The following CADM2 variants were observed in gnomAD, a reference collection of about 807,000 sequenced individuals.
CADM2 encodes the protein immunoglobulin superfamily member 4D.
CADM2 carries 12 observed loss-of-function variants against 49.8 expected under a neutral mutation model. The observed-to-expected ratio is 0.24, with a 90% confidence interval of 0.15 to 0.39. CADM2 has a LOEUF of 0.39. Among genes scored for constraint, CADM2 ranks in the 10% least tolerant of loss-of-function variants. The pLI is 1.00. For missense variants in CADM2, 378 were observed against 492.3 expected (o/e 0.77, Z 2.20); for synonymous variants, 214 against 175.4 (o/e 1.22, Z -1.74).
Position 85,200,614 on chromosome 3 carries a change from G to A in CADM2, c.61+240946G>A, listed in dbSNP as rs538313460. ...AGGTAATAGGACAAATATGCGGATT[G>A]CTGGAATGAAGAACTATGAAACCTG... On this transcript the variant is annotated intron_variant, in intron 1 of 9. Transcript: ENST00000383699. Among the ~76,000 whole-genome samples, 4 of 152,196 alleles carry A rather than the reference G, an allele frequency of 2.6e-5. No homozygotes were observed. In the East Asian group the frequency reaches 7.7e-4, roughly 29 times the overall value.
chr3:85,715,696 C>T (rs1021944452), intron 1 of CADM2, among the ~76,000 whole-genome samples: 5 of 152,138 alleles, frequency 3.3e-5, no homozygotes, highest in African/African-American at 1.2e-4. Context: ...TGATGTTCGC[C>T]TCTCTGTGCC....
intron 1 of CADM2, among the ~76,000 whole-genome samples, chr3:85,564,854 A>G (rs1235500734): frequency 6.6e-6 from 1 of 152,084 alleles, no homozygotes; most frequent in Admixed American, 6.6e-5. Flanking sequence ...TCTAAATGTG[A>G]GCTTGGAGGA....
At chr3:85,280,822 G>A (rs72919253) in intron 1 of CADM2, among the ~76,000 whole-genome samples, 9,991 of 151,638 alleles carry the variant, frequency 0.066, 1,077 homozygotes, top group African/African-American at 0.23. Context: ...CATCTAGTTA[G>A]CAAAACAGTT....
intron 1 of CADM2, among the ~76,000 whole-genome samples, chr3:85,184,453 A>T (rs1389993333): frequency 2.0e-5 from 3 of 152,096 alleles, no homozygotes; most frequent in Non-Finnish European, 4.4e-5. Flanking sequence ...GCAACTTTAA[A>T]AATATTACTC....
At chr3:85,162,190 T>C (rs2040348551) in intron 1 of CADM2, among the ~76,000 whole-genome samples, 1 of 152,140 alleles carries the variant, frequency 6.6e-6, no homozygotes, top group Admixed American at 6.6e-5. Context: ...GATGGGTTTT[T>C]ACAGTTTAAT....
rs10662960 is a variant in CADM2 at position 85,308,310 on chromosome 3, T to TACACACACAC, written c.61+348664_61+348673dup. ...ATATCTATATCTATATCTACCTCTC[T>TACACACACAC]ACACACACACACACACACACACACA... On this transcript the variant is annotated intron_variant, in intron 1 of 9. Transcript: ENST00000383699. Among the ~76,000 whole-genome samples the TACACACACAC allele has an allele frequency of 7.5e-3, 1,077 of 143,608 alleles. 8 individuals are homozygous for TACACACACAC. Among genetic ancestry groups the TACACACACAC allele is most frequent in the African/African-American group, 0.018 (729 of 39,658 alleles). 94.2% of individuals were successfully genotyped at this position (143,608 alleles called of 152,430 possible).
At chr3:85,761,155 A>G (rs151026695) in intron 2 of CADM2, among the ~76,000 whole-genome samples, 1 of 152,234 alleles carries the variant, frequency 6.6e-6, no homozygotes, top group African/African-American at 2.4e-5. Flanking sequence ...TGAGCCACAG[A>G]GTATTATCTT....
At chr3:85,959,382 C>T (rs1011303650) in intron 7 of CADM2, among the ~76,000 whole-genome samples, 3 of 151,756 alleles carry the variant, frequency 2.0e-5, no homozygotes, top group African/African-American at 7.3e-5. Context: ...TATCAGTGAC[C>T]ATTGATGATC....
At chr3:85,979,371 C>A in intron 8 of CADM2, 1 of 1,428,594 alleles carries the variant, frequency 7.0e-7, no homozygotes, top group Non-Finnish European at 9.5e-7. Flanking sequence ...CATTGAGATT[C>A]AATTTTACTT....
chr3:85,836,468 A>G (rs928405122), intron 3 of CADM2, among the ~76,000 whole-genome samples: 3 of 151,658 alleles, frequency 2.0e-5, no homozygotes, highest in Non-Finnish European at 4.4e-5. Flanking sequence ...TCCATCTTCA[A>G]TCAATAGTGG....
At chr3:85,327,209 TTATC>T (rs2044777613) in intron 1 of CADM2, among the ~76,000 whole-genome samples, 1 of 152,208 alleles carries the variant, frequency 6.6e-6, no homozygotes, top group East Asian at 1.9e-4. Flanking sequence ...GTCTCTCTCT[TTATC>T]TATATAAATA....
chr3:85,984,475 G>A (rs1727853899), intron 8 of CADM2, among the ~76,000 whole-genome samples: 1 of 151,532 alleles, frequency 6.6e-6, no homozygotes, highest in South Asian at 2.1e-4. Context: ...ATGAAACATA[G>A]TTATATATTT....
At chr3:85,602,694 T>C (rs1033879405) in intron 1 of CADM2, among the ~76,000 whole-genome samples, 1 of 151,752 alleles carries the variant, frequency 6.6e-6, no homozygotes, top group African/African-American at 2.4e-5. Context: ...AATATAATCC[T>C]GCAAAATACT....
At chr3:85,236,734 G>A (rs186634139) in intron 1 of CADM2, among the ~76,000 whole-genome samples, 11 of 152,102 alleles carry the variant, frequency 7.2e-5, no homozygotes, top group East Asian at 1.9e-4. Flanking sequence ...CTTCACATAC[G>A]TATTAATGGA....
intron 1 of CADM2, among the ~76,000 whole-genome samples, chr3:85,061,420 T>C (rs1192084177): frequency 6.6e-6 from 1 of 152,182 alleles, no homozygotes; most frequent in Non-Finnish European, 1.5e-5. Flanking sequence ...CTTTCAATGT[T>C]TGCTTATTTG....
At chr3:85,248,424 G>A (rs1370520029) in intron 1 of CADM2, among the ~76,000 whole-genome samples, 3 of 151,944 alleles carry the variant, frequency 2.0e-5, no homozygotes, top group African/African-American at 7.2e-5. Context: ...ACAGATGCAC[G>A]CCACCAGGCC....
Position 85,568,480 on chromosome 3 carries a change from T to TC in CADM2, c.62-158042_62-158041insC, listed in dbSNP as rs1559916141. 9.4e-4 allele frequency among the ~76,000 whole-genome samples: 53 copies of TC among 56,104 alleles called. 6 individuals are homozygous for TC. Among genetic ancestry groups the TC allele is most frequent in the East Asian group, 3.0e-3 (2 of 664 alleles). The allele number at this position is 56,104 out of a possible 152,430, so 36.8% of individuals were successfully genotyped here. A position where few individuals can be genotyped will look rare whatever the true frequency, so the allele number is the denominator to read the frequency against. On this transcript the variant is annotated intron_variant, in intron 1 of 9. Transcript: ENST00000383699. ...CTTTCTTTCTCTTTCTCTCTCTTTC[T>TC]TTCTTTCTTTCTTTCTTTCTTTCTT...
At chr3:85,073,665 A>T (rs2036838535) in intron 1 of CADM2, among the ~76,000 whole-genome samples, 1 of 152,176 alleles carries the variant, frequency 6.6e-6, no homozygotes, top group Admixed American at 6.5e-5. Context: ...AAAGAAACAG[A>T]TGAAATTATG....
intron 1 of CADM2, among the ~76,000 whole-genome samples, chr3:85,632,600 A>C (rs2064346368): frequency 6.6e-6 from 1 of 152,134 alleles, no homozygotes; most frequent in South Asian, 2.1e-4. Context: ...AAATGTAGAA[A>C]TTATAAAGAG....
Sources: gnomAD v4.1 joint callset for allele counts (sites outside exome capture counted in the v4.1 genomes callset) on GRCh38, gnomAD v4.1.1 for gene constraint, MANE v1.5 for transcripts, NCBI Gene and HGNC (gene_info 2026-07-23, HGNC 2026-07-21) for gene names.